The following DPP10 variants were observed in gnomAD, a reference collection of about 807,000 sequenced individuals.
DPP10 encodes dipeptidyl peptidase like 10, also known as inactive dipeptidyl peptidase 10.
A neutral mutation model predicts 120.9 loss-of-function variants in DPP10; 33 were observed. That is an observed-to-expected ratio of 0.27 (90% CI 0.21 to 0.37). The LOEUF (loss-of-function observed/expected upper bound fraction) is 0.37, where lower values mean the gene tolerates loss of function less well. DPP10 is among the 10% of genes least tolerant of loss of function. The pLI is 1.00. For synonymous variants in DPP10, 337 were observed against 326.1 expected, an observed-to-expected ratio of 1.03 and a Z score of -0.36; for missense variants, 816 against 942.8, an observed-to-expected ratio of 0.87 and a Z score of 1.76.
chr2:115,623,010 C>G (rs1447272056), intron 5 of DPP10, among the ~76,000 whole-genome samples: 2 of 151,780 alleles, frequency 1.3e-5, no homozygotes, highest in Non-Finnish European at 2.9e-5. Flanking sequence ...GCCTGACTAA[C>G]TTGGTTTTGT....
intron 1 of DPP10, among the ~76,000 whole-genome samples, chr2:114,994,623 T>C (rs1326157870): frequency 6.6e-6 from 1 of 152,214 alleles, no homozygotes; most frequent in Non-Finnish European, 1.5e-5. Flanking sequence ...CTAGACCTTG[T>C]CCCTGACACC....
intron 1 of DPP10, among the ~76,000 whole-genome samples, chr2:115,232,490 A>G (rs111929080): frequency 2.4e-4 from 36 of 152,272 alleles, no homozygotes; most frequent in African/African-American, 7.9e-4. Flanking sequence ...GAACTTATAC[A>G]TGCTTCAATC....
chr2:115,363,499 C>T (rs569416657), intron 3 of DPP10, among the ~76,000 whole-genome samples: 4 of 152,138 alleles, frequency 2.6e-5, no homozygotes, highest in Non-Finnish European at 5.9e-5. Context: ...AGGAACATAT[C>T]TGTGAATCAG....
intron 1 of DPP10, among the ~76,000 whole-genome samples, chr2:114,898,660 A>G (rs1379416042): frequency 6.6e-6 from 1 of 152,226 alleles, no homozygotes; most frequent in Non-Finnish European, 1.5e-5. Flanking sequence ...GGGTAGGACA[A>G]TTAGTAAAAT....
chr2:115,765,177 C>A (rs1427244102), intron 12 of DPP10, among the ~76,000 whole-genome samples: 1 of 151,898 alleles, frequency 6.6e-6, no homozygotes, highest in Non-Finnish European at 1.5e-5. Context: ...AGATTGTAGC[C>A]CCCATCTATT....
chr2:114,907,439 A>G (rs1432820270), intron 1 of DPP10, among the ~76,000 whole-genome samples: 3 of 152,064 alleles, frequency 2.0e-5, no homozygotes, highest in African/African-American at 7.2e-5. Context: ...ATTTACAGCT[A>G]TATATTTATC....
At chr2:114,664,338 G>A (rs912559785) in intron 1 of DPP10, among the ~76,000 whole-genome samples, 5 of 151,740 alleles carry the variant, frequency 3.3e-5, no homozygotes, top group African/African-American at 1.2e-4. Context: ...GTAGAAAGTC[G>A]TCATGTCTGG....
intron 1 of DPP10, among the ~76,000 whole-genome samples, chr2:115,298,164 T>C (rs961439126): frequency 6.6e-6 from 1 of 152,002 alleles, no homozygotes. Flanking sequence ...CAGAAATGAG[T>C]GTGAAATAGT....
chr2:115,359,174 A>C (rs976032841), intron 3 of DPP10, among the ~76,000 whole-genome samples: 2 of 152,150 alleles, frequency 1.3e-5, no homozygotes, highest in Admixed American at 6.5e-5. Context: ...CCCTGTGATC[A>C]TGTTATTACC....
chr2:115,330,765 G>A (rs1300696533), intron 2 of DPP10, among the ~76,000 whole-genome samples: 1 of 151,942 alleles, frequency 6.6e-6, no homozygotes, highest in African/African-American at 2.4e-5. Context: ...TACTATTTCT[G>A]TTCTGTTCCA....
At chr2:115,219,368 A>G (rs1454842120) in intron 1 of DPP10, among the ~76,000 whole-genome samples, 2 of 151,904 alleles carry the variant, frequency 1.3e-5, no homozygotes, top group African/African-American at 4.8e-5. Flanking sequence ...GCATGGTTCA[A>G]GATTTCCAGC....
intron 1 of DPP10, among the ~76,000 whole-genome samples, chr2:114,679,083 A>G (rs1698853103): frequency 6.6e-6 from 1 of 152,058 alleles, no homozygotes; most frequent in Admixed American, 6.6e-5. Context: ...CGGAGCTGGA[A>G]TGTAATTTTC....
chr2:115,390,892 T>TC (rs1216162106), intron 3 of DPP10, among the ~76,000 whole-genome samples: 2 of 152,154 alleles, frequency 1.3e-5, no homozygotes. Context: ...CATTATGGAC[T>TC]CCATCCTCAC....
chr2:115,020,660 G>T (rs1703006403), intron 1 of DPP10, among the ~76,000 whole-genome samples: 1 of 151,962 alleles, frequency 6.6e-6, no homozygotes, highest in African/African-American at 2.4e-5. Flanking sequence ...ACAACAAATG[G>T]ACTTAACAGA....
At chr2:115,701,595 A>T (rs567163774) in intron 7 of DPP10, among the ~76,000 whole-genome samples, 34 of 152,092 alleles carry the variant, frequency 2.2e-4, no homozygotes, top group Non-Finnish European at 4.6e-4. Context: ...TTAAAAATTG[A>T]CAAATTAGAT....
At chr2:114,959,428 T>C (rs1698450314) in intron 1 of DPP10, among the ~76,000 whole-genome samples, 1 of 152,226 alleles carries the variant, frequency 6.6e-6, no homozygotes, top group Admixed American at 6.5e-5. Context: ...TTTCAAAGAA[T>C]ATTTCATGGT....
chr2:114,509,768 A>G (rs998372522), intron 1 of DPP10, among the ~76,000 whole-genome samples: 10 of 152,216 alleles, frequency 6.6e-5, no homozygotes, highest in Non-Finnish European at 1.2e-4. Context: ...GTCATTTGTG[A>G]ATGCTATCAG....
chr2:115,338,356 A>G (rs1449148388), intron 2 of DPP10, among the ~76,000 whole-genome samples: 1 of 152,164 alleles, frequency 6.6e-6, no homozygotes, highest in Non-Finnish European at 1.5e-5. Context: ...ATGTTTATAT[A>G]AAAGAGTCTG....
rs1217668416 is a variant in DPP10, at chr2:114,609,339, C to A, written c.60+166501C>A. On this transcript the variant is annotated intron_variant, in intron 1 of 25. Transcript: ENST00000410059. Reference sequence around the variant, plus strand: ...ATCCTTGACTTGTGTCTCCCTAGGCCAACATTTATCCCCTGGGCCTGAACT... The same window carrying A: ...ATCCTTGACTTGTGTCTCCCTAGGCAAACATTTATCCCCTGGGCCTGAACT... Among the ~76,000 whole-genome samples the A allele has an allele frequency of 1.3e-5, 2 of 152,096 alleles. 1 individual carries two copies. Among genetic ancestry groups the A allele is most frequent in the East Asian group, 3.9e-4 (2 of 5,184 alleles).
Sources: gnomAD v4.1 joint callset for allele counts (sites outside exome capture counted in the v4.1 genomes callset) on GRCh38, gnomAD v4.1.1 for gene constraint, MANE v1.5 for transcripts, NCBI Gene and HGNC (gene_info 2026-07-23, HGNC 2026-07-21) for gene names.